Variants in TEC observed in about 807,000 individuals in gnomAD.
The protein encoded by TEC is tec protein tyrosine kinase, also known as tyrosine-protein kinase Tec.
Under a neutral mutation model 93.0 loss-of-function variants are expected in TEC, and 72 were observed. The observed-to-expected ratio is 0.77, with a 90% CI of 0.64 to 0.94. TEC has a LOEUF of 0.94. Among genes scored for constraint, TEC ranks in the 40% least tolerant of loss-of-function variants. The pLI is 0.00. For missense variants in TEC, 630 were observed against 757.9 expected, an observed-to-expected ratio of 0.83 and a Z score of 1.98; for synonymous variants, 249 against 247.7, an observed-to-expected ratio of 1.01 and a Z score of -0.05.
chr4:48,215,871 G>A (rs143021087), intron 2 of TEC, among the ~76,000 whole-genome samples: 8 of 152,224 alleles, frequency 5.3e-5, no homozygotes, highest in African/African-American at 1.9e-4. Context: ...AGAAATATTC[G>A]ATATGAGCTT....
intron 1 of TEC, among the ~76,000 whole-genome samples, chr4:48,239,914 T>C (rs1280744355): frequency 6.6e-6 from 1 of 152,086 alleles, no homozygotes; most frequent in Non-Finnish European, 1.5e-5. Flanking sequence ...ATCGGTAATA[T>C]TTGTTTGATG....
rs1364394920 is a variant in TEC at position 48,167,772 on chromosome 4, A to T, written c.671+6T>A. ...TGCATATCACACACATAGAGGGAATACTTACCCATATTTATCTCTTGCTCT... is the reference window on the plus strand; with the variant it reads ...TGCATATCACACACATAGAGGGAATTCTTACCCATATTTATCTCTTGCTCT... On this transcript the variant is annotated splice_donor_region_variant and intron_variant, in intron 7 of 17. Transcript: ENST00000381501. 5.6e-6 allele frequency: 9 copies of T among 1,613,420 alleles called. No individual in the cohort carries two copies. Among genetic ancestry groups the T allele is most frequent in the Non-Finnish European group, 7.6e-6 (9 of 1,179,544 alleles).
chr4:48,250,499 C>T (rs1048854283), intron 1 of TEC, among the ~76,000 whole-genome samples: 12 of 152,142 alleles, frequency 7.9e-5, no homozygotes, highest in African/African-American at 2.9e-4. Context: ...TTACTTTGAC[C>T]AATGGGACAG....
intron 1 of TEC, among the ~76,000 whole-genome samples, chr4:48,236,943 CT>C (rs2109651030): frequency 6.6e-6 from 1 of 152,300 alleles, no homozygotes; most frequent in Admixed American, 6.5e-5. Flanking sequence ...GCCAATGGCC[CT>C]GATCTGATCA....
At chr4:48,151,240 G>T (rs544820405) in intron 9 of TEC, among the ~76,000 whole-genome samples, 15 of 152,204 alleles carry the variant, frequency 9.9e-5, no homozygotes, top group Admixed American at 2.0e-4. Context: ...TGCCCTTCCA[G>T]AACTGAGAGA....
intron 2 of TEC, among the ~76,000 whole-genome samples, chr4:48,226,995 G>C (rs1723487770): frequency 6.6e-6 from 1 of 152,100 alleles, no homozygotes; most frequent in Non-Finnish European, 1.5e-5. Context: ...TCCCAGCAGG[G>C]ACTAGGGCAG....
At chr4:48,197,482 T>TA (rs766316471) in intron 2 of TEC, among the ~76,000 whole-genome samples, 120 of 152,072 alleles carry the variant, frequency 7.9e-4, no homozygotes, top group African/African-American at 2.7e-3. Context: ...TAAAGGCACT[T>TA]AAAAAAAACA....
At chr4:48,253,699 C>T (rs1185941666) in intron 1 of TEC, among the ~76,000 whole-genome samples, 8 of 151,846 alleles carry the variant, frequency 5.3e-5, no homozygotes, top group African/African-American at 1.9e-4. Flanking sequence ...CTCAGCATCC[C>T]GAGTAGCTGG....
chr4:48,220,858 C>A (rs1158605092), intron 2 of TEC, among the ~76,000 whole-genome samples: 2 of 152,142 alleles, frequency 1.3e-5, no homozygotes, highest in African/African-American at 4.8e-5. Context: ...TCAATTCTGA[C>A]ACTAACTGCT....
chr4:48,162,238 T>C (rs988572560), intron 8 of TEC, among the ~76,000 whole-genome samples: 3 of 152,222 alleles, frequency 2.0e-5, no homozygotes, highest in African/African-American at 7.2e-5. Context: ...GTGGATTCCC[T>C]GGCCTCTGAA....
Position 48,241,318 on chromosome 4 carries a change from G to C in TEC, c.-45-12659C>G, listed in dbSNP as rs565621404. Among the ~76,000 whole-genome samples, 18 of 152,144 alleles carry C rather than the reference G, an allele frequency of 1.2e-4. 1 individual carries two copies. Among genetic ancestry groups the C allele is most frequent in the African/African-American group, 4.3e-4 (18 of 41,502 alleles). ...GCTTATGACTCCTTTGACTAATACA[G>C]TATAGTAGAAATGTCTTGAGACTAG... On this transcript the variant is annotated intron_variant, in intron 1 of 17. Transcript: ENST00000381501.
chr4:48,217,125 A>C (rs1229010947), intron 2 of TEC, among the ~76,000 whole-genome samples: 5 of 151,540 alleles, frequency 3.3e-5, no homozygotes, highest in African/African-American at 1.2e-4. Context: ...TTTTCTTGAG[A>C]TGGAGTCTTG....
At chr4:48,222,130 A>T (rs1723286660) in intron 2 of TEC, among the ~76,000 whole-genome samples, 1 of 152,184 alleles carries the variant, frequency 6.6e-6, no homozygotes, top group Non-Finnish European at 1.5e-5. Context: ...CAAATTTTTG[A>T]AAGATAAAAT....
chr4:48,226,017 C>T (rs557839932), intron 2 of TEC, among the ~76,000 whole-genome samples: 1 of 152,114 alleles, frequency 6.6e-6, no homozygotes, highest in East Asian at 1.9e-4. Flanking sequence ...CTTTCTGGTT[C>T]TCAGGGTGGC....
At chr4:48,204,018 C>G (rs1473162762) in intron 2 of TEC, among the ~76,000 whole-genome samples, 1 of 152,176 alleles carries the variant, frequency 6.6e-6, no homozygotes, top group East Asian at 1.9e-4. Flanking sequence ...GGATCTCCTT[C>G]TCAATTTGCT....
At chr4:48,171,305 T>A (rs1560388169) in intron 4 of TEC, 63 bp downstream of exon 4, 1 of 1,359,860 alleles carries the variant, frequency 7.4e-7, no homozygotes, top group Non-Finnish European at 1.0e-6. Context: ...TATTTCTGTC[T>A]TAATGATAAC....
chr4:48,241,384 G>A (rs574341234), intron 1 of TEC, among the ~76,000 whole-genome samples: 82 of 152,124 alleles, frequency 5.4e-4, no homozygotes, highest in African/African-American at 1.9e-3. Context: ...TTTTTTGGAC[G>A]TCTAGCTCTT....
chr4:48,158,562 A>C (rs1278325341), intron 8 of TEC, among the ~76,000 whole-genome samples: 1 of 152,246 alleles, frequency 6.6e-6, no homozygotes. Context: ...ACACACCTGG[A>C]GCTTTAATTA....
At chr4:48,191,689 GGGCACAGT>G (rs545442818) in intron 2 of TEC, among the ~76,000 whole-genome samples, 2 of 152,118 alleles carry the variant, frequency 1.3e-5, no homozygotes, top group Non-Finnish European at 2.9e-5. Context: ...AGGCAATGCA[GGGCACAGT>G]GGCTCATGCC....
Sources: allele counts gnomAD v4.1 joint callset (sites outside exome capture counted in the v4.1 genomes callset), GRCh38; gene constraint gnomAD v4.1.1; transcripts MANE v1.5; gene names NCBI Gene and HGNC (gene_info 2026-07-23, HGNC 2026-07-21).